The following MOV10L1 variants were observed in gnomAD, a reference collection of about 807,000 sequenced individuals.
MOV10L1 encodes Mov10 like RNA helicase 1.
A neutral mutation model predicts 143.8 loss-of-function variants in MOV10L1; 110 were observed. The observed-to-expected ratio is 0.76, with a 90% CI of 0.66 to 0.90. The LOEUF (loss-of-function observed/expected upper bound fraction) is 0.90. MOV10L1 is among the 40% of genes least tolerant of loss of function. The pLI is 0.00. For missense variants in MOV10L1, 1,406 were observed against 1,526.8 expected, an observed-to-expected ratio of 0.92 and a Z score of 1.32; for synonymous variants, 593 against 581.1, an observed-to-expected ratio of 1.02 and a Z score of -0.29.
At position 50,161,391 on chromosome 22, in the gene MOV10L1, C is replaced by A; in HGVS notation, c.3578C>A (p.Pro1193His). ...LQNCGEGVAD[P>H]SYPVVPESTG... ...AGCTGTGGCGAGGGGGTGGCAGACC[C>A]CTCCTACCCAGTGGTGCCAGAATCC... is the stretch of plus-strand genomic sequence containing the variant. Residue 1193 changes from proline to histidine, a missense_variant, in exon 27 of 27, where the codon CCC becomes CAC. Pro to His is a moderately conservative substitution (Grantham distance 77). Coordinates refer to ENST00000262794, the MANE Select transcript of MOV10L1 (RefSeq NM_018995.3). 6.2e-7 allele frequency: 1 copy of A among 1,600,818 alleles called. No individual in the cohort carries two copies. Among genetic ancestry groups the A allele is most frequent in the East Asian group, 2.3e-5 (1 of 44,322 alleles).
chr22:50,114,314 T>C, intron 6 of MOV10L1, 67 bp from the exon 7 acceptor site: 1 of 1,562,458 alleles, frequency 6.4e-7, no homozygotes, highest in Non-Finnish European at 8.7e-7. Context: ...GTTTTGTGTT[T>C]TATGATAACT....
chr22:50,148,632 A>C (rs1052477873), intron 19 of MOV10L1, among the ~76,000 whole-genome samples: 8 of 150,172 alleles, frequency 5.3e-5, no homozygotes, highest in Non-Finnish European at 1.0e-4. Flanking sequence ...AATTGTGGGG[A>C]GCCATTCTAG....
intron 1 of MOV10L1, chr22:50,091,365 G>C (rs1308677202): frequency 1.8e-5 from 3 of 167,376 alleles, no homozygotes; most frequent in South Asian, 2.1e-4. Flanking sequence ...GGCTGAGGGC[G>C]TGCGCTGCTC....
Position 50,134,564 on chromosome 22 carries a change from A to T in MOV10L1, c.2004A>T (p.Pro668=), listed in dbSNP as rs559817629. ...CAGAAGAAATTATTTTACAGTCTCC[A>T]CAAGTGACGGGAAATTGGAACCATG... The part of the protein sequence containing the change: ...LFPEEIILQS[P]QVTGNWNHAQ... The change falls in exon 15 of 27, where the codon CCA becomes CCT. Residue 668 remains proline (P), a synonymous_variant. Coordinates refer to ENST00000262794, the MANE Select transcript of MOV10L1 (RefSeq NM_018995.3). 2 of 1,614,088 alleles carry T rather than the reference A, an allele frequency of 1.2e-6. No individual in the cohort carries two copies. The highest frequency in any genetic ancestry group is 1.7e-6 in the Non-Finnish European group (2 of 1,180,036).
chr22:50,111,860 T>C (rs1209573665), intron 5 of MOV10L1, among the ~76,000 whole-genome samples: 1 of 152,136 alleles, frequency 6.6e-6, no homozygotes, highest in Non-Finnish European at 1.5e-5. Context: ...TTCTGAGACA[T>C]CTCCTCCATC....
At chr22:50,131,063 A>ATTTTT (rs3041370) in intron 13 of MOV10L1, among the ~76,000 whole-genome samples, 5 of 128,108 alleles carry the variant, frequency 3.9e-5, no homozygotes, top group Non-Finnish European at 6.5e-5. Context: ...CGCCCGGCTA[A>ATTTTT]TTTTTTTTTT....
At chr22:50,138,310 C>T (rs562394391) in intron 15 of MOV10L1, among the ~76,000 whole-genome samples, 3 of 152,170 alleles carry the variant, frequency 2.0e-5, no homozygotes, top group Non-Finnish European at 4.4e-5. Context: ...TGACTCGTGC[C>T]GGTAATTCCA....
chr22:50,126,468 A>G (rs558492358), intron 12 of MOV10L1, among the ~76,000 whole-genome samples, 196 bp downstream of exon 12: 1 of 152,362 alleles, frequency 6.6e-6, no homozygotes, highest in Admixed American at 6.5e-5. Flanking sequence ...TCAACCATGT[A>G]AAACATATTT....
intron 3 of MOV10L1, among the ~76,000 whole-genome samples, chr22:50,105,499 C>T (rs148379914): frequency 6.6e-6 from 1 of 152,322 alleles, no homozygotes; most frequent in African/African-American, 2.4e-5. Context: ...CATTTGGGCT[C>T]CTGAGGCCTC....
chr22:50,152,006 G>A lies in MOV10L1; in HGVS notation c.2893-1039G>A, dbSNP rs564909844. Among the ~76,000 whole-genome samples, 25 of 152,256 alleles carry A rather than the reference G, an allele frequency of 1.6e-4. No homozygotes were observed. Among genetic ancestry groups the A allele is most frequent in the African/African-American group, 4.3e-4 (18 of 41,476 alleles). On this transcript the variant is annotated intron_variant, in intron 21 of 26. Transcript: ENST00000262794. This position sits in a 1 kb window ranked among gnomAD's most constrained non-coding sequence, Gnocchi z 4.4. The stretch of plus-strand genomic sequence containing the variant: ...CATGTCCAGCTAAGGCAGAGGTGCC[G>A]TGACTCTAGATCACATTTGGAGTTT...
chr22:50,152,986 C>G lies in MOV10L1; in HGVS notation c.2893-59C>G. On this transcript the variant is annotated intron_variant, in intron 21 of 26. Transcript: ENST00000262794. The surrounding 1 kb of genome is among the most constrained non-coding windows in gnomAD (Gnocchi z 4.4). ...TTGCTGTGCAGAGCCGCTTTTCGTT[C>G]GACAGAAACTGTGCCGGGTACCACC... is the stretch of plus-strand genomic sequence containing the variant. 4.0e-6 allele frequency: 6 copies of G among 1,492,738 alleles called. No individual in the cohort carries two copies. Among genetic ancestry groups the G allele is most frequent in the Non-Finnish European group, 3.6e-6 (4 of 1,102,128 alleles). The allele number at this position is 1,492,738 out of a possible 1,614,324, so 92.5% of individuals were successfully genotyped here. A position where few individuals can be genotyped will look rare whatever the true frequency, so the allele number is the denominator to read the frequency against.
intron 10 of MOV10L1, among the ~76,000 whole-genome samples, chr22:50,124,997 A>C (rs1425424343): frequency 1.3e-5 from 2 of 152,134 alleles, no homozygotes; most frequent in African/African-American, 4.8e-5. Context: ...TAGAAGGGTA[A>C]ATCTGGTCCT....
chr22:50,140,473 CT>C (rs937934443), intron 15 of MOV10L1, among the ~76,000 whole-genome samples: 21 of 152,288 alleles, frequency 1.4e-4, no homozygotes, highest in Admixed American at 4.6e-4. Context: ...GGTGTCCAAT[CT>C]TTTGGCTTCC....
At chr22:50,098,860 A>T (rs943530138) in intron 2 of MOV10L1, among the ~76,000 whole-genome samples, 4 of 152,024 alleles carry the variant, frequency 2.6e-5, no homozygotes, top group African/African-American at 9.7e-5. Context: ...TTCCTAGTTT[A>T]TTGAGTGTTT....
chr22:50,133,947 G>A, intron 13 of MOV10L1, 60 bp from the exon 14 acceptor site: 1 of 1,421,586 alleles, frequency 7.0e-7, no homozygotes, highest in South Asian at 1.2e-5. Flanking sequence ...ATTACCTTAT[G>A]CCAGCCTTAA....
rs765930214 is a variant in MOV10L1, at chr22:50,159,775, T to A, written c.3314T>A (p.Ile1105Asn). The change falls in exon 24 of 27, where the codon ATC becomes AAC. Residue 1105 changes from isoleucine (I) to asparagine (N), a missense_variant. Ile to Asn is a moderately radical substitution (Grantham distance 149, BLOSUM62 -3). Around this residue, in one of 3 missense-constraint regions of MOV10L1, gnomAD observed 1,233 missense variants for 1,351.4 expected, o/e 0.91. Transcript: ENST00000262794. The surrounding 1 kb of genome is among the most constrained non-coding windows in gnomAD (Gnocchi z 4.1). ...EFQGQEYLVIIISTVRSNEDR... is the reference protein window; with the variant it reads ...EFQGQEYLVINISTVRSNEDR... Reference sequence around the variant, plus strand: ...CAAGGACAAGAGTATCTGGTCATCATCATTTCGACCGTAGGTATCCCTGTT... The same window carrying A: ...CAAGGACAAGAGTATCTGGTCATCAACATTTCGACCGTAGGTATCCCTGTT... 6.2e-7 allele frequency: 1 copy of A among 1,609,044 alleles called. No homozygotes were observed. Among genetic ancestry groups the A allele is most frequent in the Admixed American group, 1.7e-5 (1 of 59,914 alleles).
At position 50,111,908 on chromosome 22, in the gene MOV10L1, T is replaced by C. The variant is rs1173769030; in HGVS notation, c.744-1740T>C. Among the ~76,000 whole-genome samples the C allele has an allele frequency of 4.6e-5, 7 of 152,212 alleles. No individual in the cohort carries two copies. The East Asian group carries it at 1.4e-3, about 29-fold the overall frequency. ...TTTGATCCCGATAGAATGCAGGTTC[T>C]GTTTGGGGAAAGCGTCTGCTTTCCA... On this transcript the variant is annotated intron_variant, in intron 5 of 26. Transcript: ENST00000262794.
In MOV10L1 at chr22:50,149,608, G is replaced by T; in HGVS notation, c.2628-7G>T. The T allele has an allele frequency of 1.2e-6, 2 of 1,613,908 alleles. No homozygotes were observed. Among genetic ancestry groups the T allele is most frequent in the Non-Finnish European group, 1.7e-6 (2 of 1,179,828 alleles). ...AGAAATTACCATTTAGAACATCTTT[G>T]CTCTAGAGTTGGGCACTTCACTCAC... On this transcript the variant is annotated splice_region_variant and splice_polypyrimidine_tract_variant and intron_variant, in intron 19 of 26. Transcript: ENST00000262794.
intron 16 of MOV10L1, among the ~76,000 whole-genome samples, chr22:50,142,416 G>A (rs2063015461): frequency 6.6e-6 from 1 of 152,166 alleles, no homozygotes; most frequent in South Asian, 2.1e-4. Flanking sequence ...CTCTGCAGAT[G>A]TGGACATTTT....
Sources: gnomAD v4.1 joint callset for allele counts (sites outside exome capture counted in the v4.1 genomes callset) on GRCh38, gnomAD v4.1.1 for gene constraint, gnomAD v4.1.1 regional missense constraint, Gnocchi (gnomAD v3.1) non-coding constraint, MANE v1.5 for transcripts, NCBI Gene and HGNC (gene_info 2026-07-23, HGNC 2026-07-21) for gene names.